The following CACNA2D3 variants were observed in gnomAD, a reference collection of about 807,000 sequenced individuals.
CACNA2D3 encodes the protein voltage-dependent calcium channel subunit alpha-2/delta-3.
A neutral mutation model predicts 160.6 loss-of-function variants in CACNA2D3; 60 were observed. That is an observed-to-expected ratio of 0.37 (90% CI 0.30 to 0.46). The LOEUF (loss-of-function observed/expected upper bound fraction) is 0.46, where lower values mean the gene tolerates loss of function less well. Ranked by LOEUF, CACNA2D3 falls within the 20% of genes least tolerant of loss-of-function variation. The pLI, the probability that CACNA2D3 is intolerant of heterozygous loss-of-function variation, is 1.00. For synonymous variants in CACNA2D3, 558 were observed against 492.9 expected (o/e 1.13, Z -1.75); for missense variants, 1,205 against 1,365.0 (o/e 0.88, Z 1.85).
intron 8 of CACNA2D3, among the ~76,000 whole-genome samples, chr3:54,572,719 G>C (rs1387781680): frequency 6.6e-6 from 1 of 152,250 alleles, no homozygotes; most frequent in Non-Finnish European, 1.5e-5. Context: ...CTAGTTGCCA[G>C]CCTAGTGGTG....
chr3:54,649,187 A>G (rs1279491124), intron 11 of CACNA2D3, among the ~76,000 whole-genome samples: 1 of 152,158 alleles, frequency 6.6e-6, no homozygotes, highest in East Asian at 1.9e-4. Flanking sequence ...CAGTGCTACC[A>G]TCAAGACTGG....
At chr3:55,038,749 G>T (rs1001666225) in intron 35 of CACNA2D3, among the ~76,000 whole-genome samples, 8 of 151,578 alleles carry the variant, frequency 5.3e-5, no homozygotes, top group African/African-American at 1.9e-4. Flanking sequence ...AGGCACTCAG[G>T]CTAATAATTT....
At chr3:54,254,367 C>T (rs1377497535) in intron 2 of CACNA2D3, among the ~76,000 whole-genome samples, 1 of 152,158 alleles carries the variant, frequency 6.6e-6, no homozygotes, top group Non-Finnish European at 1.5e-5. Context: ...GGCCTAGGGA[C>T]CAGTGAGAAC....
chr3:55,027,683 C>T (rs1385401697), intron 35 of CACNA2D3, among the ~76,000 whole-genome samples: 2 of 152,150 alleles, frequency 1.3e-5, no homozygotes, highest in African/African-American at 4.8e-5. Flanking sequence ...CACAATTCTG[C>T]AGCGTTTGGC....
At position 54,320,494 on chromosome 3, in the gene CACNA2D3, A is replaced by G. The variant is rs942190381; in HGVS notation, c.257A>G (p.Gln86Arg). 3.2e-6 allele frequency: 5 copies of G among 1,570,048 alleles called. No homozygotes were observed. In the African/African-American group the frequency reaches 5.4e-5, roughly 17 times the overall value. Residue 86 changes from glutamine (Q) to arginine (R), a missense_variant, in exon 3 of 38, where the codon CAA (glutamine) becomes CGA (arginine). By Grantham distance (43) the Gln-to-Arg change is conservative. Coordinates refer to ENST00000474759, the MANE Select transcript of CACNA2D3 (RefSeq NM_018398.3). ...DVAIEEIDGL[Q>R]LVKKLAKNME... ...GCCATAGAAGAAATTGATGGCCTCC[A>G]ACTGGTAAAGAAGCTGGCAAAGAAC...
intron 5 of CACNA2D3, among the ~76,000 whole-genome samples, chr3:54,517,848 C>T (rs567044651): frequency 1.4e-4 from 22 of 152,184 alleles, no homozygotes; most frequent in Admixed American, 1.4e-3. Context: ...GCTGACAAGG[C>T]TTCCAGGGCT....
intron 11 of CACNA2D3, among the ~76,000 whole-genome samples, chr3:54,664,515 T>C (rs1248529195): frequency 6.6e-6 from 1 of 152,256 alleles, no homozygotes; most frequent in Admixed American, 6.5e-5. Flanking sequence ...AGCTAATTTA[T>C]CCAGGAGTAA....
At chr3:54,995,533 G>C (rs1223902218) in intron 31 of CACNA2D3, among the ~76,000 whole-genome samples, 1 of 152,144 alleles carries the variant, frequency 6.6e-6, no homozygotes, top group South Asian at 2.1e-4. Flanking sequence ...TAGCTGCTGA[G>C]CCCCAGCCAT....
intron 3 of CACNA2D3, among the ~76,000 whole-genome samples, chr3:54,358,588 C>T (rs1203515578): frequency 6.6e-6 from 1 of 152,200 alleles, no homozygotes; most frequent in African/African-American, 2.4e-5. Context: ...TGAGCAATCT[C>T]CCAGGATGAG....
chr3:54,152,551 G>T (rs1438270742), intron 2 of CACNA2D3, among the ~76,000 whole-genome samples: 1 of 152,182 alleles, frequency 6.6e-6, no homozygotes, highest in Non-Finnish European at 1.5e-5. Context: ...TCCACCTCGT[G>T]GCCCAGGGAG....
chr3:54,761,757 AG>A, intron 12 of CACNA2D3, among the ~76,000 whole-genome samples: 1 of 152,162 alleles, frequency 6.6e-6, no homozygotes, highest in Non-Finnish European at 1.5e-5. Flanking sequence ...GGCAGGCAGG[AG>A]TGACAATGCA....
intron 2 of CACNA2D3, among the ~76,000 whole-genome samples, chr3:54,207,787 C>T (rs947683043): frequency 2.0e-5 from 3 of 152,038 alleles, no homozygotes; most frequent in Non-Finnish European, 4.4e-5. Context: ...TGTGTCACTT[C>T]ATCATGGGAG....
chr3:55,046,151 G>T (rs1015210693), intron 35 of CACNA2D3, among the ~76,000 whole-genome samples: 1 of 148,812 alleles, frequency 6.7e-6, no homozygotes, highest in African/African-American at 2.5e-5. Flanking sequence ...TGCACATTGT[G>T]CAGGTTAGTT....
intron 2 of CACNA2D3, among the ~76,000 whole-genome samples, chr3:54,313,366 C>T (rs533907059): frequency 5.3e-5 from 8 of 152,136 alleles, no homozygotes; most frequent in Non-Finnish European, 1.0e-4. Flanking sequence ...CAGCCTCTGA[C>T]TTCCTTGTCT....
intron 33 of CACNA2D3, among the ~76,000 whole-genome samples, chr3:55,008,915 ACAC>A (rs1703153810): frequency 2.0e-5 from 3 of 151,758 alleles, no homozygotes; most frequent in African/African-American, 4.8e-5. Context: ...ACACACACAC[ACAC>A]ACACACAGGG....
chr3:54,352,910 G>A (rs1698589148), intron 3 of CACNA2D3, among the ~76,000 whole-genome samples: 1 of 151,970 alleles, frequency 6.6e-6, no homozygotes, highest in South Asian at 2.1e-4. Flanking sequence ...TATTTATGCG[G>A]CACATGAGAT....
intron 2 of CACNA2D3, among the ~76,000 whole-genome samples, chr3:54,187,847 G>A (rs1301330674): frequency 1.3e-5 from 2 of 152,136 alleles, no homozygotes; most frequent in African/African-American, 4.8e-5. Flanking sequence ...TCTGACAGAG[G>A]TGGAGCTCAG....
intron 13 of CACNA2D3, among the ~76,000 whole-genome samples, chr3:54,784,042 A>G (rs1279290083): frequency 6.6e-6 from 1 of 152,216 alleles, no homozygotes; most frequent in African/African-American, 2.4e-5. Context: ...TCTCTACTGA[A>G]GGAAATTGAG....
At chr3:54,291,533 C>T (rs577573972) in intron 2 of CACNA2D3, among the ~76,000 whole-genome samples, 67 of 152,046 alleles carry the variant, frequency 4.4e-4, no homozygotes, top group Non-Finnish European at 7.9e-4. Flanking sequence ...ATTATCTGAG[C>T]CTGTAATCTT....
Sources: gnomAD v4.1 joint callset for allele counts (sites outside exome capture counted in the v4.1 genomes callset) on GRCh38, gnomAD v4.1.1 for gene constraint, MANE v1.5 for transcripts, NCBI Gene and HGNC (gene_info 2026-07-23, HGNC 2026-07-21) for gene names.